CDH4: variants seen among roughly 807,000 people sequenced by gnomAD.
CDH4 encodes the protein cadherin 4.
Under a neutral mutation model 86.0 loss-of-function variants are expected in CDH4, and 33 were observed. The observed-to-expected ratio is 0.38, with a 90% CI of 0.29 to 0.51. CDH4 has a LOEUF of 0.51. CDH4 is among the 20% of genes least tolerant of loss of function. The pLI, the probability that CDH4 is intolerant of heterozygous loss-of-function variation, is 0.86. For synonymous variants in CDH4, 555 were observed against 549.4 expected, an observed-to-expected ratio of 1.01 and a Z score of -0.14; for missense variants, 1,114 against 1,307.4, an observed-to-expected ratio of 0.85 and a Z score of 2.28.
intron 7 of CDH4, among the ~76,000 whole-genome samples, chr20:61,888,723 A>G (rs965572607): frequency 2.6e-5 from 4 of 152,178 alleles, no homozygotes; most frequent in African/African-American, 9.7e-5. Flanking sequence ...CATCGGGCTG[A>G]TGTCACCATG....
intron 3 of CDH4, among the ~76,000 whole-genome samples, chr20:61,744,724 C>T (rs1023012138): frequency 1.3e-5 from 2 of 152,206 alleles, no homozygotes; most frequent in African/African-American, 2.4e-5. Flanking sequence ...GCGCCTTCAC[C>T]ATGCCCTGTC....
intron 2 of CDH4, among the ~76,000 whole-genome samples, chr20:61,639,832 T>C (rs1361950207): frequency 6.6e-6 from 1 of 152,156 alleles, no homozygotes; most frequent in African/African-American, 2.4e-5. Flanking sequence ...GTCCTTTTTA[T>C]AGTGAGAATA....
intron 2 of CDH4, among the ~76,000 whole-genome samples, chr20:61,273,305 GT>G (rs1263244428): frequency 7.4e-6 from 1 of 136,008 alleles, no homozygotes; most frequent in Non-Finnish European, 1.6e-5. Context: ...ACCATGTGCA[GT>G]TTGGGGGAAT....
chr20:61,856,385 G>A (rs1983007264), intron 6 of CDH4, among the ~76,000 whole-genome samples: 1 of 111,048 alleles, frequency 9.0e-6, no homozygotes, highest in South Asian at 2.8e-4. Flanking sequence ...CTCTTCTCCA[G>A]CCCCCCGGGA....
intron 2 of CDH4, among the ~76,000 whole-genome samples, chr20:61,543,890 C>G (rs1412844638): frequency 6.6e-6 from 1 of 152,190 alleles, no homozygotes; most frequent in Non-Finnish European, 1.5e-5. Flanking sequence ...CTCCCAGGAC[C>G]CTGGACTCCC....
intron 2 of CDH4, among the ~76,000 whole-genome samples, chr20:61,670,464 T>C (rs776871780): frequency 1.4e-4 from 21 of 152,292 alleles, no homozygotes; most frequent in South Asian, 6.2e-4. Context: ...GCATCACGTG[T>C]CCCCTGATGG....
chr20:61,878,414 C>T (rs866033670), intron 7 of CDH4, among the ~76,000 whole-genome samples: 5 of 152,348 alleles, frequency 3.3e-5, no homozygotes, highest in Non-Finnish European at 5.9e-5. Flanking sequence ...CAGGGCTTCT[C>T]GTGAGCAGAA....
intron 2 of CDH4, among the ~76,000 whole-genome samples, chr20:61,385,389 A>G (rs1175950760): frequency 6.6e-6 from 1 of 152,084 alleles, no homozygotes; most frequent in Non-Finnish European, 1.5e-5. Flanking sequence ...CGCTCAGATC[A>G]GGAGGTTGGC....
At chr20:61,892,367 C>G (rs1215025818) in intron 7 of CDH4, among the ~76,000 whole-genome samples, 1 of 152,210 alleles carries the variant, frequency 6.6e-6, no homozygotes, top group Non-Finnish European at 1.5e-5. Context: ...ACCCTGGAGA[C>G]ACAGTGGGTG....
intron 2 of CDH4, among the ~76,000 whole-genome samples, chr20:61,458,913 C>T (rs1427240470): frequency 6.6e-6 from 1 of 151,688 alleles, no homozygotes; most frequent in Non-Finnish European, 1.5e-5. Context: ...GCTCCTCCTG[C>T]TTCTCTTGTT....
intron 2 of CDH4, among the ~76,000 whole-genome samples, chr20:61,509,400 G>A (rs2085763863): frequency 6.6e-6 from 1 of 151,146 alleles, no homozygotes; most frequent in South Asian, 2.1e-4. Flanking sequence ...TCCAGGAGGT[G>A]GGTGACTGTG....
chr20:61,563,839 A>G (rs956321563), intron 2 of CDH4, among the ~76,000 whole-genome samples: 1 of 152,158 alleles, frequency 6.6e-6, no homozygotes, highest in African/African-American at 2.4e-5. Flanking sequence ...CTTGGTAGAT[A>G]TGAAGCTGAA....
rs566072089 is a variant in CDH4 at position 61,514,971 on chromosome 20, G to A, written c.170-228592G>A. Among the ~76,000 whole-genome samples, 8 of 152,274 alleles carry A rather than the reference G, an allele frequency of 5.3e-5. No individual in the cohort carries two copies. In the South Asian group the frequency reaches 6.2e-4, roughly 12 times the overall value. The stretch of plus-strand genomic sequence containing the variant: ...CTGCACCATTGCCTGGCATTGGGGC[G>A]GGGGCGGGTGGCACGGCTGGGCCTC... On this transcript the variant is annotated intron_variant, in intron 2 of 15. Transcript: ENST00000614565.
rs528874973 is a variant in CDH4, at chr20:61,532,063, C to G, written c.170-211500C>G. On this transcript the variant is annotated intron_variant, in intron 2 of 15. Transcript: ENST00000614565. Reference sequence around the variant, plus strand: ...TGTTGCCGGCCCTCAGGCTCTGCCACTGAGGAGGAGAGGCGGATAAAACAC... The same window carrying G: ...TGTTGCCGGCCCTCAGGCTCTGCCAGTGAGGAGGAGAGGCGGATAAAACAC... 1.5e-3 allele frequency among the ~76,000 whole-genome samples: 224 copies of G among 152,336 alleles called. 1 individual carries two copies. In the Middle Eastern group the frequency reaches 0.031, roughly 21 times the overall value.
At chr20:61,933,904 C>G (rs757631487) in intron 14 of CDH4, 152 bp from the exon 15 acceptor site, 16 of 821,168 alleles carry the variant, frequency 1.9e-5, no homozygotes, top group African/African-American at 3.4e-5. Flanking sequence ...AGGGGCACAG[C>G]AGGGGACAGC....
At chr20:61,585,712 GTGGTGATGA>G (rs1235914674) in intron 2 of CDH4, among the ~76,000 whole-genome samples, 1 of 26,662 alleles carries the variant, frequency 3.8e-5, no homozygotes, top group Non-Finnish European at 9.6e-5. Context: ...GTGGAGGATG[GTGGTGATGA>G]TGGTGATGTG....
Position 61,858,331 on chromosome 20 carries a change from G to GTGTCTGTGTGTC in CDH4, c.877+5440_877+5441insGTGTCTGTCTGT, listed in dbSNP as rs1244012353. Among the ~76,000 whole-genome samples the GTGTCTGTGTGTC allele has an allele frequency of 7.3e-5, 11 of 151,102 alleles. No individual in the cohort carries two copies. The East Asian group carries it at 1.6e-3, about 21-fold the overall frequency. ...TCTGTATGTGTGTCTGTGTCTGTCT[G>GTGTCTGTGTGTC]TGTCTGTATCTGCGTATGTGTCTCT... On this transcript the variant is annotated intron_variant, in intron 6 of 15. Coordinates refer to ENST00000614565, the MANE Select transcript of CDH4 (RefSeq NM_001794.5).
At chr20:61,737,944 G>A (rs2088285350) in intron 2 of CDH4, among the ~76,000 whole-genome samples, 1 of 152,214 alleles carries the variant, frequency 6.6e-6, no homozygotes, top group Admixed American at 6.5e-5. Context: ...GGCTGCTGGT[G>A]CACACCCGCC....
chr20:61,341,801 A>G (rs981921357), intron 2 of CDH4, among the ~76,000 whole-genome samples: 1 of 152,144 alleles, frequency 6.6e-6, no homozygotes, highest in Non-Finnish European at 1.5e-5. Context: ...TCAGAGTGCA[A>G]TGGAGAAGCT....
Sources: gnomAD v4.1 joint callset for allele counts (sites outside exome capture counted in the v4.1 genomes callset) on GRCh38, gnomAD v4.1.1 for gene constraint, MANE v1.5 for transcripts, NCBI Gene and HGNC (gene_info 2026-07-23, HGNC 2026-07-21) for gene names.